SERPINI2: variants seen among roughly 807,000 people sequenced by gnomAD.
SERPINI2 encodes serpin family I member 2, also known as serpin I2.
In SERPINI2, 48 loss-of-function variants were observed where a neutral mutation model predicts 47.3. The ratio of observed to expected loss-of-function variants is 1.02; its 90% CI spans 0.81 to 1.29. The LOEUF is 1.29. SERPINI2 is among the 50% of genes most tolerant of loss of function. SERPINI2 has a pLI of 0.00. For synonymous variants in SERPINI2, 135 were observed against 149.3 expected (o/e 0.90, Z 0.70); for missense variants, 448 against 456.9 (o/e 0.98, Z 0.18).
At chr3:167,447,945 G>T (rs1163647473) in intron 7 of SERPINI2, among the ~76,000 whole-genome samples, 2 of 152,088 alleles carry the variant, frequency 1.3e-5, no homozygotes, top group Non-Finnish European at 2.9e-5. Flanking sequence ...ATGCAGCATT[G>T]CAAATTAATC....
chr3:167,452,129 A>G (rs1749657311), intron 6 of SERPINI2, among the ~76,000 whole-genome samples: 1 of 150,616 alleles, frequency 6.6e-6, no homozygotes, highest in Admixed American at 6.6e-5. Flanking sequence ...AGATACCTAT[A>G]TAGAAATAAA....
At chr3:167,461,146 A>C (rs1231085130) in intron 5 of SERPINI2, among the ~76,000 whole-genome samples, 1 of 152,200 alleles carries the variant, frequency 6.6e-6, no homozygotes, top group African/African-American at 2.4e-5. Context: ...ACCACAGAGA[A>C]GGGCCTGCCA....
chr3:167,469,954 A>G (rs191793926), intron 2 of SERPINI2, among the ~76,000 whole-genome samples: 2 of 152,256 alleles, frequency 1.3e-5, no homozygotes, highest in Non-Finnish European at 2.9e-5. Context: ...AATATATATT[A>G]AGCACATGAA....
At chr3:167,459,616 TAATCTA>T (rs1375226039) in intron 5 of SERPINI2, among the ~76,000 whole-genome samples, 2 of 151,378 alleles carry the variant, frequency 1.3e-5, no homozygotes, top group African/African-American at 4.9e-5. Context: ...GCAGTAACTA[TAATCTA>T]AATAGTCACT....
Position 167,453,661 on chromosome 3 carries a change from G to A in SERPINI2, c.867-628C>T, listed in dbSNP as rs1465727399. 3.3e-5 allele frequency among the ~76,000 whole-genome samples: 5 copies of A among 149,330 alleles called. No homozygotes were observed. The East Asian group carries it at 7.9e-4, about 24-fold the overall frequency. ...AAAGACAAAAATTACAGGAGTGGGG[G>A]GGGGTGGGCAAAAAAAAAAGGAGGT... is the stretch of plus-strand genomic sequence containing the variant. On this transcript the variant is annotated intron_variant, in intron 5 of 8. Transcript: ENST00000264677.
chr3:167,450,631 A>C (rs891998001), intron 6 of SERPINI2, among the ~76,000 whole-genome samples: 2 of 152,136 alleles, frequency 1.3e-5, no homozygotes, highest in African/African-American at 4.8e-5. Context: ...GGGCATCCAC[A>C]CTATTAGTGT....
chr3:167,446,323 G>T, intron 8 of SERPINI2, 69 bp downstream of exon 8: 1 of 985,514 alleles, frequency 1.0e-6, no homozygotes, highest in Non-Finnish European at 1.6e-6. Flanking sequence ...TATGTACATT[G>T]CAATTAGAAA....
exon 6 of SERPINI2, chr3:167,453,012 T>A (rs1374411943): frequency 6.3e-7 from 1 of 1,593,558 alleles, no homozygotes; most frequent in South Asian, 1.1e-5. Context: ...CTTTGAAGTC[T>A]ACTTTTTGTT....
At chr3:167,462,189 A>G (rs1363539219) in intron 5 of SERPINI2, among the ~76,000 whole-genome samples, 2 of 152,226 alleles carry the variant, frequency 1.3e-5, no homozygotes, top group African/African-American at 4.8e-5. Context: ...ATTACTTGCT[A>G]TGTTGTAAGT....
At chr3:167,459,286 G>C (rs1306427083) in intron 5 of SERPINI2, among the ~76,000 whole-genome samples, 1 of 151,890 alleles carries the variant, frequency 6.6e-6, no homozygotes, top group Non-Finnish European at 1.5e-5. Context: ...GTTTTAGCCG[G>C]GATGGTCTCG....
chr3:167,449,477 A>C (rs1356805777), intron 6 of SERPINI2, 75 bp from the exon 7 acceptor site: 4 of 702,182 alleles, frequency 5.7e-6, no homozygotes, highest in Non-Finnish European at 9.0e-6. Flanking sequence ...ATCTCAATTA[A>C]TTACATTTAT....
In SERPINI2 at chr3:167,474,007, A is replaced by G. The variant is rs73878714; in HGVS notation, c.-15T>C. 3,621 of 1,123,898 alleles carry G rather than the reference A, an allele frequency of 3.2e-3. 69 individuals are homozygous for G. In the African/African-American group the frequency reaches 0.049, roughly 15 times the overall value. 69.6% of individuals were successfully genotyped at this position (1,123,898 alleles called of 1,614,324 possible). ...ATTTATTTCTAAGGTACTTACCCCA[A>G]ACTGACTTCTGATTATTCACTGGAA... On this transcript the variant is annotated 5_prime_UTR_variant, in exon 1 of 9. Transcript: ENST00000264677.
In SERPINI2 at chr3:167,449,403, C is replaced by T; in HGVS notation, c.965-1G>A. 5 of 1,589,844 alleles carry T rather than the reference C, an allele frequency of 3.1e-6. No individual in the cohort carries two copies. Among genetic ancestry groups the T allele is most frequent in the Non-Finnish European group, 4.3e-6 (5 of 1,162,982 alleles). Reference sequence around the variant, plus strand: ...TGGGAAACATACACTTCAGATGAATCTGGTTAAAAAAAAATACACAAAAGT... The same window carrying T: ...TGGGAAACATACACTTCAGATGAATTTGGTTAAAAAAAAATACACAAAAGT... On this transcript the variant is annotated splice_acceptor_variant, in intron 6 of 8. Coordinates refer to ENST00000264677, the Ensembl canonical transcript of SERPINI2. LOFTEE classifies it high-confidence loss of function.
chr3:167,457,266 C>T (rs1749819926), intron 5 of SERPINI2, among the ~76,000 whole-genome samples: 1 of 152,182 alleles, frequency 6.6e-6, no homozygotes, highest in African/African-American at 2.4e-5. Context: ...ACCTTACATG[C>T]ATAAACTTGC....
chr3:167,443,350 T>A (rs9873601), intron 8 of SERPINI2, among the ~76,000 whole-genome samples: 1 of 152,008 alleles, frequency 6.6e-6, no homozygotes, highest in Admixed American at 6.5e-5. Flanking sequence ...CTCGTGATCC[T>A]CCCGCCTCAG....
intron 8 of SERPINI2, among the ~76,000 whole-genome samples, chr3:167,445,778 A>T (rs140891275): frequency 1.3e-5 from 2 of 152,300 alleles, no homozygotes; most frequent in East Asian, 3.9e-4. Flanking sequence ...TGAAGCATCC[A>T]TCCAGACAAT....
chr3:167,461,554 C>A (rs1190437878), intron 5 of SERPINI2, among the ~76,000 whole-genome samples: 1 of 150,810 alleles, frequency 6.6e-6, no homozygotes, highest in Non-Finnish European at 1.5e-5. Flanking sequence ...ATGACGAGGG[C>A]GTAAGCTATT....
rs181005226 is a variant in SERPINI2, at chr3:167,452,030, C to T, written c.964+906G>A. Reference sequence around the variant, plus strand: ...ATTTTGATATTTGTGACCTCATTCACCTCCTCCACCAGGAAAGTTTTTCAT... The same window carrying T: ...ATTTTGATATTTGTGACCTCATTCATCTCCTCCACCAGGAAAGTTTTTCAT... On this transcript the variant is annotated intron_variant, in intron 6 of 8. Coordinates refer to ENST00000264677, the Ensembl canonical transcript of SERPINI2. Among the ~76,000 whole-genome samples the T allele has an allele frequency of 9.9e-5, 15 of 152,264 alleles. 1 individual carries two copies. The highest frequency in any genetic ancestry group is 8.5e-4 in the Admixed American group (13 of 15,302).
chr3:167,449,395 A>G, exon 7 of SERPINI2: 1 of 1,606,804 alleles, frequency 6.2e-7, no homozygotes, highest in Non-Finnish European at 8.5e-7. Context: ...CATACACTTC[A>G]GATGAATCTG....
Sources: allele counts gnomAD v4.1 joint callset (sites outside exome capture counted in the v4.1 genomes callset), GRCh38; gene constraint gnomAD v4.1.1; transcripts MANE v1.5; gene names NCBI Gene and HGNC (gene_info 2026-07-23, HGNC 2026-07-21).